GUCA1C: variants seen among roughly 807,000 people sequenced by gnomAD.
The protein encoded by GUCA1C is guanylate cyclase activator 1C.
GUCA1C carries 15 observed loss-of-function variants against 16.2 expected under a neutral mutation model. The observed-to-expected ratio is 0.93, with a 90% CI of 0.62 to 1.43. The LOEUF (loss-of-function observed/expected upper bound fraction) is 1.43. Ranked by LOEUF, GUCA1C falls within the 40% of genes most tolerant of loss-of-function variation. GUCA1C has a pLI of 0.00. For synonymous variants in GUCA1C, 78 were observed against 85.4 expected (o/e 0.91, Z 0.48); for missense variants, 275 against 244.8 (o/e 1.12, Z -0.82).
chr3:108,933,640 A>G (rs1421639137), intron 1 of GUCA1C, among the ~76,000 whole-genome samples: 2 of 152,248 alleles, frequency 1.3e-5, no homozygotes, highest in Non-Finnish European at 2.9e-5. Flanking sequence ...ATATCATCTC[A>G]TACCAGTCAG....
In GUCA1C at chr3:108,908,162, C is replaced by G. The variant is rs370259737; in HGVS notation, c.490G>C (p.Asp164His). The change falls in exon 4 of 4, where the codon GAT becomes CAT. Residue 164 changes from aspartate to histidine, a missense_variant. By Grantham distance (81) the Asp-to-His change is moderately conservative. Transcript: ENST00000261047. Reference protein sequence around the residue: ...EFINGMAKDQDLLEIVYKSFD... With the variant: ...EFINGMAKDQHLLEIVYKSFD... ...CTCTTGTAAACAATCTCCAGGAGAT[C>G]CTGATCTTTTGCCATGCCATTGATA... 6.2e-7 allele frequency: 1 copy of G among 1,613,818 alleles called. No individual in the cohort carries two copies. The highest frequency in any genetic ancestry group is 1.1e-5 in the South Asian group (1 of 91,038).
intron 1 of GUCA1C, among the ~76,000 whole-genome samples, chr3:108,935,005 G>T (rs974998548): frequency 2.0e-5 from 3 of 151,692 alleles, no homozygotes; most frequent in African/African-American, 7.3e-5. Flanking sequence ...AGTAGAGACG[G>T]GGTTTCACCG....
At chr3:108,912,103 C>CAATAATAATAAT (rs144187451) in intron 3 of GUCA1C, among the ~76,000 whole-genome samples, 15,720 of 125,614 alleles carry the variant, frequency 0.13, 1,081 homozygotes, top group Middle Eastern at 0.21. Flanking sequence ...GACTCCGTCT[C>CAATAATAATAAT]AATAATAATA....
intron 2 of GUCA1C, among the ~76,000 whole-genome samples, chr3:108,918,762 A>G (rs962027825): frequency 6.6e-6 from 1 of 151,996 alleles, no homozygotes; most frequent in Admixed American, 6.5e-5. Context: ...AACTTAGATT[A>G]TACACTTTGT....
intron 1 of GUCA1C, among the ~76,000 whole-genome samples, chr3:108,936,993 C>T (rs1946733561): frequency 6.6e-6 from 1 of 152,066 alleles, no homozygotes; most frequent in South Asian, 2.1e-4. Context: ...AATCCTTAGC[C>T]CTCTGCCACC....
chr3:108,950,860 G>T (rs1368676323), intron 1 of GUCA1C, among the ~76,000 whole-genome samples: 2 of 152,042 alleles, frequency 1.3e-5, no homozygotes, highest in African/African-American at 4.8e-5. Flanking sequence ...CAAATTTTCA[G>T]GGTTTTTAAC....
intron 2 of GUCA1C, 34 bp downstream of exon 2, chr3:108,920,402 C>A (rs760976056): frequency 6.4e-7 from 1 of 1,553,010 alleles, no homozygotes; most frequent in Non-Finnish European, 8.9e-7. Flanking sequence ...AACTATATAG[C>A]GGCCTGAAAA....
intron 1 of GUCA1C, among the ~76,000 whole-genome samples, chr3:108,941,961 ACCC>A (rs1946790416): frequency 6.6e-6 from 1 of 151,592 alleles, no homozygotes; most frequent in African/African-American, 2.4e-5. Flanking sequence ...CCTCAACTAG[ACCC>A]CCAAATGCCA....
chr3:108,908,057 C>T lies in GUCA1C; in HGVS notation c.595G>A (p.Asp199Asn), dbSNP rs1946409407. Residue 199 changes from aspartate (D) to asparagine (N), a missense_variant, in exon 4 of 4, where the codon GAC (aspartate) becomes AAC (asparagine). Coordinates refer to ENST00000261047, the MANE Select transcript of GUCA1C (RefSeq NM_005459.4). The part of the protein sequence containing the change: ...DMETDSSKSP[D>N]KAGLGKVKMK ...TTCACCTTCCCTAGACCAGCCTTGT[C>T]AGGAGATTTGGAGGAGTCTGTCTCC... 3 of 1,613,802 alleles carry T rather than the reference C, an allele frequency of 1.9e-6. No homozygotes were observed. Among genetic ancestry groups the T allele is most frequent in the Non-Finnish European group, 2.5e-6 (3 of 1,179,836 alleles).
chr3:108,931,569 T>C (rs1032436180), intron 1 of GUCA1C, among the ~76,000 whole-genome samples: 1 of 152,258 alleles, frequency 6.6e-6, no homozygotes, highest in Non-Finnish European at 1.5e-5. Context: ...TCTGTTCCAT[T>C]ATCTTTCTGT....
intron 1 of GUCA1C, among the ~76,000 whole-genome samples, chr3:108,952,860 GTC>G (rs767026302): frequency 4.0e-5 from 6 of 150,358 alleles, no homozygotes; most frequent in Non-Finnish European, 8.9e-5. Flanking sequence ...TTGCTTTTTT[GTC>G]TCTCTTTTTT....
chr3:108,946,872 T>C (rs1288630283), intron 1 of GUCA1C, among the ~76,000 whole-genome samples: 3 of 136,638 alleles, frequency 2.2e-5, no homozygotes, highest in Non-Finnish European at 4.6e-5. Context: ...GTTTGGATCC[T>C]AGCTCAAATC....
chr3:108,951,132 G>A (rs1946892562), intron 1 of GUCA1C, among the ~76,000 whole-genome samples: 1 of 152,184 alleles, frequency 6.6e-6, no homozygotes, highest in African/African-American at 2.4e-5. Flanking sequence ...GAGGAGTGGG[G>A]TGGGAGAAGA....
intron 2 of GUCA1C, among the ~76,000 whole-genome samples, chr3:108,919,131 T>C (rs1946547331): frequency 6.6e-6 from 1 of 152,148 alleles, no homozygotes; most frequent in South Asian, 2.1e-4. Context: ...CTATTATTGT[T>C]TTTAGTACTG....
At chr3:108,922,379 C>T (rs1038976693) in intron 1 of GUCA1C, among the ~76,000 whole-genome samples, 4 of 152,112 alleles carry the variant, frequency 2.6e-5, no homozygotes, top group African/African-American at 9.7e-5. Flanking sequence ...CTGGATCAAA[C>T]AGTAGGTCTA....
chr3:108,919,035 A>G (rs1946546337), intron 2 of GUCA1C, among the ~76,000 whole-genome samples: 1 of 152,152 alleles, frequency 6.6e-6, no homozygotes, highest in African/African-American at 2.4e-5. Flanking sequence ...GACGCAGATT[A>G]CCACATTTCC....
chr3:108,929,139 A>T (rs1946645803), intron 1 of GUCA1C, among the ~76,000 whole-genome samples: 1 of 151,876 alleles, frequency 6.6e-6, no homozygotes, highest in Admixed American at 6.6e-5. Flanking sequence ...TTCCTCATAT[A>T]GATTTTGTAC....
chr3:108,915,083 T>C (rs1946494338), intron 3 of GUCA1C, among the ~76,000 whole-genome samples: 1 of 152,248 alleles, frequency 6.6e-6, no homozygotes, highest in Admixed American at 6.5e-5. Context: ...TCCAGTCGTT[T>C]GGCTTTTTTG....
chr3:108,931,366 C>G (rs1038560850), intron 1 of GUCA1C, among the ~76,000 whole-genome samples: 1 of 152,200 alleles, frequency 6.6e-6, no homozygotes, highest in African/African-American at 2.4e-5. Context: ...TCTGGGCAAG[C>G]CCTTACCATG....
Sources: allele counts gnomAD v4.1 joint callset (sites outside exome capture counted in the v4.1 genomes callset), GRCh38; gene constraint gnomAD v4.1.1; transcripts MANE v1.5; gene names NCBI Gene and HGNC (gene_info 2026-07-23, HGNC 2026-07-21).